The following RAB40B variants were observed in gnomAD, a reference collection of about 807,000 sequenced individuals.
The protein encoded by RAB40B is ras-related protein Rab-40B.
Under a neutral mutation model 24.0 loss-of-function variants are expected in RAB40B, and 21 were observed. The ratio of observed to expected loss-of-function variants is 0.88; its 90% confidence interval spans 0.62 to 1.26. The LOEUF (loss-of-function observed/expected upper bound fraction) is 1.26, where lower values mean the gene tolerates loss of function less well. Among genes scored for constraint, RAB40B ranks in the 50% most tolerant of loss-of-function variants. RAB40B has a pLI of 0.00. For missense variants in RAB40B, 348 were observed against 390.5 expected (o/e 0.89, Z 0.92); for synonymous variants, 167 against 169.8 (o/e 0.98, Z 0.13).
intron 2 of RAB40B, among the ~76,000 whole-genome samples, chr17:82,661,639 C>A (rs1288506608): frequency 6.6e-6 from 1 of 152,148 alleles, no homozygotes; most frequent in African/African-American, 2.4e-5. Context: ...ATAATCCCAG[C>A]GCTTTGGGAG....
At position 82,675,912 on chromosome 17, in the gene RAB40B, C is replaced by T. The variant is rs138867801; in HGVS notation, c.143-11356G>A. Among the ~76,000 whole-genome samples the T allele has an allele frequency of 0.012, 1,893 of 152,178 alleles. 37 individuals carry two copies. The highest frequency in any genetic ancestry group is 0.037 in the African/African-American group (1,538 of 41,514). On this transcript the variant is annotated intron_variant, in intron 1 of 5. Coordinates refer to ENST00000571995, the MANE Select transcript of RAB40B (RefSeq NM_006822.3). This position sits in a 1 kb window ranked among gnomAD's most constrained non-coding sequence, Gnocchi z 4.5. ...CCCTCCATCTGCTACGTGGGTCCTT[C>T]TCACCAGGGGGGAGAGGTGGCAACA... is the stretch of plus-strand genomic sequence containing the variant.
intron 1 of RAB40B, among the ~76,000 whole-genome samples, chr17:82,685,121 G>GA (rs373744689): frequency 0.044 from 5,865 of 132,900 alleles, 261 homozygotes; most frequent in African/African-American, 0.12. Context: ...CTCAAAAAAG[G>GA]AAAAAAAAAA....
At chr17:82,698,294 C>A (rs2046632893) in intron 1 of RAB40B, among the ~76,000 whole-genome samples, 161 bp downstream of exon 1, 2 of 151,842 alleles carry the variant, frequency 1.3e-5, no homozygotes, top group Non-Finnish European at 2.9e-5. Context: ...CGCCCCCGGA[C>A]CGGGACTCCT....
Position 82,659,626 on chromosome 17 carries a change from C to T in RAB40B, c.296G>A (p.Arg99His), listed in dbSNP as rs1049789454. ...TCGATCAATGCCGTCAAAAGACCAG[C>T]GGTTCGCAATGTCATAGACCAGGAT... The part of the protein sequence containing the change: ...GVILVYDIAN[R>H]WSFDGIDRWI... The change falls in exon 4 of 6, where the codon CGC becomes CAC. Residue 99 changes from arginine (R) to histidine (H), a missense_variant. Coordinates refer to ENST00000571995, the MANE Select transcript of RAB40B (RefSeq NM_006822.3). 45 of 1,614,136 alleles carry T rather than the reference C, an allele frequency of 2.8e-5. No individual in the cohort carries two copies. Among genetic ancestry groups the T allele is most frequent in the Non-Finnish European group, 3.6e-5 (42 of 1,180,020 alleles).
At chr17:82,658,248 C>G in intron 5 of RAB40B, 114 bp from the exon 6 acceptor site, 4 of 1,413,920 alleles carry the variant, frequency 2.8e-6, no homozygotes, top group Non-Finnish European at 3.8e-6. Context: ...GCCCGTGGCC[C>G]TGGCTTGTAC....
intron 1 of RAB40B, among the ~76,000 whole-genome samples, chr17:82,671,260 AACAC>A (rs1250406562): frequency 3.3e-5 from 4 of 121,704 alleles, no homozygotes; most frequent in Admixed American, 8.1e-5. Flanking sequence ...CTGTAACCCT[AACAC>A]ACACAGTCAC....
chr17:82,680,138 G>A (rs1350643065), intron 1 of RAB40B, among the ~76,000 whole-genome samples: 1 of 152,364 alleles, frequency 6.6e-6, no homozygotes, highest in Non-Finnish European at 1.5e-5. Context: ...GGCCTGGCAG[G>A]GTTCGAGGGC....
In RAB40B at chr17:82,663,867, C is replaced by T. The variant is rs980336560; in HGVS notation, c.203+629G>A. ...CGATTCCCAGCCACAGCGCTATGTC[C>T]GTTCTGGGGTCCCCTACTCTGGATG... On this transcript the variant is annotated intron_variant, in intron 2 of 5. Coordinates refer to ENST00000571995, the MANE Select transcript of RAB40B (RefSeq NM_006822.3). This position sits in a 1 kb window ranked among gnomAD's most constrained non-coding sequence, Gnocchi z 6.2. Among the ~76,000 whole-genome samples the T allele has an allele frequency of 2.0e-5, 3 of 152,194 alleles. No individual in the cohort carries two copies. The highest frequency in any genetic ancestry group is 6.5e-5 in the Admixed American group (1 of 15,284).
At chr17:82,687,715 G>C (rs2046515960) in intron 1 of RAB40B, among the ~76,000 whole-genome samples, 1 of 152,178 alleles carries the variant, frequency 6.6e-6, no homozygotes, top group Non-Finnish European at 1.5e-5. Context: ...GTCAAGCACA[G>C]GGTTCCTGGA....
chr17:82,688,888 C>T (rs912646545), intron 1 of RAB40B, among the ~76,000 whole-genome samples: 3 of 152,174 alleles, frequency 2.0e-5, no homozygotes, highest in Admixed American at 1.3e-4. Flanking sequence ...GAGCCAAGAT[C>T]GCACCACTGC....
intron 1 of RAB40B, among the ~76,000 whole-genome samples, chr17:82,684,223 A>AAC (rs1452234037): frequency 6.6e-6 from 1 of 150,932 alleles, no homozygotes; most frequent in Non-Finnish European, 1.5e-5. Flanking sequence ...TCTGTCTCAA[A>AAC]AAAAAAAAAA....
chr17:82,687,384 C>T (rs2046513300), intron 1 of RAB40B, among the ~76,000 whole-genome samples: 1 of 152,048 alleles, frequency 6.6e-6, no homozygotes, highest in Non-Finnish European at 1.5e-5. Context: ...CTTGTTTTTG[C>T]TTTTATTTTT....
At chr17:82,659,200 C>T (rs1568028472) in intron 4 of RAB40B, 2 of 296,114 alleles carry the variant, frequency 6.8e-6, no homozygotes, top group Non-Finnish European at 6.4e-6. Flanking sequence ...GGCTTAGTGT[C>T]GACCACGCCA....
chr17:82,685,358 C>T (rs1417888139), intron 1 of RAB40B, among the ~76,000 whole-genome samples: 4 of 141,084 alleles, frequency 2.8e-5, no homozygotes, highest in African/African-American at 1.3e-4. Context: ...GCCGTGCACT[C>T]AACTGAACGC....
rs2046098889 is a variant in RAB40B, at chr17:82,657,648, A to G, written c.*215T>C. On this transcript the variant is annotated 3_prime_UTR_variant, in exon 6 of 6. Transcript: ENST00000571995. Reference sequence around the variant, plus strand: ...CGAGCAGAGTACTAATTTTCCCTTTACAAACACACATCGAAAACAAGAGCT... The same window carrying G: ...CGAGCAGAGTACTAATTTTCCCTTTGCAAACACACATCGAAAACAAGAGCT... 1 of 696,536 alleles carries G rather than the reference A, an allele frequency of 1.4e-6. No homozygotes were observed. The highest frequency in any genetic ancestry group is 2.8e-5 in the East Asian group (1 of 35,624). The allele number at this position is 696,536 out of a possible 1,614,324, so 43.1% of individuals were successfully genotyped here.
At chr17:82,677,552 C>T (rs1033784202) in intron 1 of RAB40B, among the ~76,000 whole-genome samples, 2 of 152,198 alleles carry the variant, frequency 1.3e-5, no homozygotes, top group Non-Finnish European at 2.9e-5. Context: ...TGTGTTGTGG[C>T]TCTCCATCAG....
At chr17:82,690,470 T>A (rs71376525) in intron 1 of RAB40B, among the ~76,000 whole-genome samples, 1 of 111,656 alleles carries the variant, frequency 9.0e-6, no homozygotes, top group African/African-American at 3.7e-5. Flanking sequence ...GGAGGGAGCA[T>A]GGAGTGTGCA....
chr17:82,689,966 C>CAAAA (rs34923378), intron 1 of RAB40B, among the ~76,000 whole-genome samples: 1 of 139,808 alleles, frequency 7.2e-6, no homozygotes, highest in African/African-American at 2.6e-5. Flanking sequence ...AACTTCATCT[C>CAAAA]AAAAAAAAAA....
chr17:82,659,733 C>T, intron 3 of RAB40B, 76 bp from the exon 4 acceptor site: 1 of 1,140,852 alleles, frequency 8.8e-7, no homozygotes, highest in South Asian at 1.3e-5. Flanking sequence ...CAAAGACATA[C>T]AACTAAATAA....
Sources: gnomAD v4.1 joint callset for allele counts (sites outside exome capture counted in the v4.1 genomes callset) on GRCh38, gnomAD v4.1.1 for gene constraint, Gnocchi (gnomAD v3.1) non-coding constraint, MANE v1.5 for transcripts, NCBI Gene and HGNC (gene_info 2026-07-23, HGNC 2026-07-21) for gene names.